The following OTOGL variants were observed in gnomAD, a reference collection of about 807,000 sequenced individuals.
The protein encoded by OTOGL is otogelin like, also known as otogelin-like protein.
In OTOGL, 285 loss-of-function variants were observed where a neutral mutation model predicts 318.5. The observed-to-expected ratio is 0.89, with a 90% CI of 0.81 to 0.99. The LOEUF is 0.99. Among genes scored for constraint, OTOGL ranks in the 50% least tolerant of loss-of-function variants. OTOGL has a pLI of 0.00. For missense variants in OTOGL, 2,899 were observed against 2,845.6 expected (o/e 1.02, Z -0.43); for synonymous variants, 987 against 936.5 (o/e 1.05, Z -0.99).
At chr12:80,342,669 G>C (rs971007386) in intron 44 of OTOGL, among the ~76,000 whole-genome samples, 1 of 152,098 alleles carries the variant, frequency 6.6e-6, no homozygotes, top group African/African-American at 2.4e-5. Context: ...GACAAATACA[G>C]TATTTCATGA....
intron 1 of OTOGL, among the ~76,000 whole-genome samples, chr12:80,208,739 A>G (rs1024263976): frequency 2.6e-5 from 4 of 152,116 alleles, no homozygotes; most frequent in African/African-American, 9.7e-5. Context: ...TGGGTGAGTT[A>G]CTTTATTTTC....
At chr12:80,231,074 G>T (rs1817955940) in intron 8 of OTOGL, among the ~76,000 whole-genome samples, 1 of 150,762 alleles carries the variant, frequency 6.6e-6, no homozygotes, top group Non-Finnish European at 1.5e-5. Flanking sequence ...ATGACCAAGT[G>T]TCAAATGACC....
intron 24 of OTOGL, among the ~76,000 whole-genome samples, chr12:80,274,576 A>G (rs996282014): frequency 6.6e-6 from 1 of 152,070 alleles, no homozygotes; most frequent in African/African-American, 2.4e-5. Flanking sequence ...AGAAAATGCA[A>G]CTAAGATAAT....
At position 80,355,764 on chromosome 12, in the gene OTOGL, C is replaced by T. The variant is rs1276272913; in HGVS notation, c.5622C>T (p.Arg1874=). The T allele has an allele frequency of 1.9e-6, 3 of 1,613,570 alleles. No individual in the cohort carries two copies. Among genetic ancestry groups the T allele is most frequent in the Non-Finnish European group, 2.5e-6 (3 of 1,179,648 alleles). ...GCACTGATAGTGAAGACCAACCCCGCACTGCTGGGGAGATTTGGAATGGGG... is the reference window on the plus strand; with the variant it reads ...GCACTGATAGTGAAGACCAACCCCGTACTGCTGGGGAGATTTGGAATGGGG... ...CACTDSEDQP[R]TAGEIWNGGI... is the part of the protein sequence containing the mutation. The change falls in exon 47 of 59, where the codon CGC becomes CGT. Residue 1874 remains arginine, a synonymous_variant. Transcript: ENST00000547103.
chr12:80,372,849 C>T (rs1441936360), intron 57 of OTOGL, among the ~76,000 whole-genome samples: 5 of 151,880 alleles, frequency 3.3e-5, no homozygotes, highest in East Asian at 1.9e-4. Flanking sequence ...CCATCACGTC[C>T]GGCTAATTTT....
chr12:80,342,190 C>A, intron 44 of OTOGL, 28 bp downstream of exon 44: 1 of 1,480,384 alleles, frequency 6.8e-7, no homozygotes, highest in Non-Finnish European at 9.2e-7. Context: ...ATAAATAATA[C>A]TTTCATGTTA....
chr12:80,278,282 A>T lies in OTOGL; in HGVS notation c.2789+7A>T. The T allele has an allele frequency of 6.6e-7, 1 of 1,504,380 alleles. No individual in the cohort carries two copies. Among genetic ancestry groups the T allele is most frequent in the Non-Finnish European group, 9.0e-7 (1 of 1,108,464 alleles). 93.2% of individuals were successfully genotyped at this position (1,504,380 alleles called of 1,614,324 possible). ...CTACACCGTGTTACACCTGGTAAGG[A>T]GATCCATTTATTTCACAAATATTTT... is the stretch of plus-strand genomic sequence containing the variant. On this transcript the variant is annotated splice_region_variant and intron_variant, in intron 25 of 58. Coordinates refer to ENST00000547103, the MANE Select transcript of OTOGL (RefSeq NM_001378609.3).
chr12:80,106,839 A>G (rs1399704272), intron 1 of OTOGL, among the ~76,000 whole-genome samples: 1 of 152,078 alleles, frequency 6.6e-6, no homozygotes, highest in Non-Finnish European at 1.5e-5. Context: ...GAAATGCATG[A>G]CAATATTTAT....
At chr12:80,307,293 A>G (rs1886202968) in intron 29 of OTOGL, among the ~76,000 whole-genome samples, 1 of 151,442 alleles carries the variant, frequency 6.6e-6, no homozygotes, top group Non-Finnish European at 1.5e-5. Flanking sequence ...CGCCATTGTC[A>G]TCATGGCCCG....
intron 1 of OTOGL, among the ~76,000 whole-genome samples, 158 bp from the exon 2 acceptor site, chr12:80,209,255 T>G (rs767803996): frequency 4.6e-5 from 7 of 152,160 alleles, no homozygotes; most frequent in Non-Finnish European, 1.0e-4. Flanking sequence ...GTCTGCAAGT[T>G]CTAAAGCTTC....
chr12:80,304,930 C>A (rs989542187), intron 28 of OTOGL, among the ~76,000 whole-genome samples: 2 of 152,110 alleles, frequency 1.3e-5, no homozygotes, highest in African/African-American at 4.8e-5. Flanking sequence ...CAGACAATAA[C>A]CTTAGAATTA....
rs1286868483 is a variant in OTOGL, at chr12:80,329,057, C to G, written c.4286C>G (p.Pro1429Arg). Residue 1429 changes from proline to arginine, a missense_variant, in exon 37 of 59, where the codon CCT becomes CGT. This residue lies in a region of OTOGL where 2,607 missense variants were observed against 2,524.9 expected (regional missense o/e 1.03). Coordinates refer to ENST00000547103, the MANE Select transcript of OTOGL (RefSeq NM_001378609.3). ...LKCVYPRDCI[P>R]VIPTEPTLMP... ...CACCTTTGTTTCTTTGTAGGTATACCTGTGATTCCCACAGAACCAACATTA... is the reference window on the plus strand; with the variant it reads ...CACCTTTGTTTCTTTGTAGGTATACGTGTGATTCCCACAGAACCAACATTA... 1 of 1,581,810 alleles carries G rather than the reference C, an allele frequency of 6.3e-7. No individual in the cohort carries two copies. Among genetic ancestry groups the G allele is most frequent in the Middle Eastern group, 1.7e-4 (1 of 5,902 alleles).
intron 22 of OTOGL, among the ~76,000 whole-genome samples, chr12:80,268,543 A>G (rs1318507528): frequency 6.6e-6 from 1 of 152,066 alleles, no homozygotes; most frequent in Non-Finnish European, 1.5e-5. Flanking sequence ...CTTTTTTCCT[A>G]TCCACATCAA....
intron 1 of OTOGL, among the ~76,000 whole-genome samples, chr12:80,135,726 A>T (rs1043034400): frequency 1.3e-5 from 2 of 152,230 alleles, no homozygotes; most frequent in African/African-American, 4.8e-5. Context: ...CTGGTCAAAC[A>T]TTGTGAGTGT....
chr12:80,336,915 C>T lies in OTOGL; in HGVS notation c.4771C>T (p.Pro1591Ser), dbSNP rs748797012. The change falls in exon 42 of 59, where the codon CCC (proline) becomes TCC (serine). Residue 1591 changes from proline to serine, a missense_variant. Coordinates refer to ENST00000547103, the MANE Select transcript of OTOGL (RefSeq NM_001378609.3). ...QNGNSLKKLAPSGRISGLCFK... is the reference protein window; with the variant it reads ...QNGNSLKKLASSGRISGLCFK... ...TTTTAATTTTTTTCAAATTAAGGCT[C>T]CCTCTGGAAGAATCTCTGGACTTTG... is the stretch of plus-strand genomic sequence containing the variant. 3.8e-6 allele frequency: 6 copies of T among 1,580,942 alleles called. No individual in the cohort carries two copies. The highest frequency in any genetic ancestry group is 1.8e-5 in the Admixed American group (1 of 56,262).
At chr12:80,266,662 T>TAA in intron 21 of OTOGL, 46 bp downstream of exon 21, 1 of 1,554,348 alleles carries the variant, frequency 6.4e-7, no homozygotes, top group African/African-American at 1.4e-5. Context: ...TAATCTCTTT[T>TAA]TCTCCTTACG....
chr12:80,239,546 G>A (rs540217786), intron 11 of OTOGL, 107 bp downstream of exon 11: 3 of 767,416 alleles, frequency 3.9e-6, no homozygotes, highest in Non-Finnish European at 3.9e-6. Flanking sequence ...AATATTATGG[G>A]AAATGTAAAA....
At chr12:80,323,137 CACACACACACAT>C (rs748165704) in intron 34 of OTOGL, among the ~76,000 whole-genome samples, 4,178 of 112,966 alleles carry the variant, frequency 0.037, 98 homozygotes, top group East Asian at 0.069. Flanking sequence ...CACACACACA[CACACACACACAT>C]ATATAAAATA....
At position 80,148,246 on chromosome 12, in the gene OTOGL, C is replaced by A. The variant is rs568886527; in HGVS notation, c.-20+48641C>A. 1.4e-4 allele frequency among the ~76,000 whole-genome samples: 20 copies of A among 145,254 alleles called. No homozygotes were observed. The South Asian group carries it at 4.4e-3, about 32-fold the overall frequency. ...CTTCAGGAGCTCTTGTAGGGCAGGT[C>A]CGGTGGTGACAAAATCTCTCAGCAT... On this transcript the variant is annotated intron_variant, in intron 1 of 58. Transcript: ENST00000547103.
Sources: gnomAD v4.1 joint callset for allele counts (sites outside exome capture counted in the v4.1 genomes callset) on GRCh38, gnomAD v4.1.1 for gene constraint, gnomAD v4.1.1 regional missense constraint, MANE v1.5 for transcripts, NCBI Gene and HGNC (gene_info 2026-07-23, HGNC 2026-07-21) for gene names.